ASAP2: variants seen among roughly 807,000 people sequenced by gnomAD.
ASAP2 encodes the protein arf-GAP with SH3 domain, ANK repeat and PH domain-containing protein 2.
ASAP2 carries 45 observed loss-of-function variants against 131.4 expected under a neutral mutation model. That is an observed-to-expected ratio of 0.34 (90% CI 0.27 to 0.44). The LOEUF is 0.44. Among genes scored for constraint, ASAP2 ranks in the 20% least tolerant of loss-of-function variants. The pLI is 1.00. For missense variants in ASAP2, 1,011 were observed against 1,297.0 expected, an observed-to-expected ratio of 0.78 and a Z score of 3.39; for synonymous variants, 510 against 503.0, an observed-to-expected ratio of 1.01 and a Z score of -0.19.
intron 12 of ASAP2, among the ~76,000 whole-genome samples, chr2:9,354,574 C>G (rs1672564572): frequency 6.6e-6 from 1 of 151,122 alleles, no homozygotes; most frequent in Non-Finnish European, 1.5e-5. Context: ...GAGATTGAGG[C>G]TGCAGCGAGC....
chr2:9,308,435 C>A (rs894547805), intron 3 of ASAP2, among the ~76,000 whole-genome samples: 6 of 152,212 alleles, frequency 3.9e-5, no homozygotes, highest in Non-Finnish European at 8.8e-5. Flanking sequence ...AGCTCCAACA[C>A]TGGGGACTGC....
chr2:9,261,392 T>A (rs527265414), intron 1 of ASAP2, among the ~76,000 whole-genome samples: 2 of 152,254 alleles, frequency 1.3e-5, no homozygotes, highest in Non-Finnish European at 1.5e-5. Context: ...ACTCTTTGAG[T>A]CAGTTTCTTC....
chr2:9,340,773 G>C (rs1212938373), intron 9 of ASAP2, among the ~76,000 whole-genome samples: 1 of 152,236 alleles, frequency 6.6e-6, no homozygotes, highest in Non-Finnish European at 1.5e-5. Context: ...GACAGCTCAA[G>C]GATTCTACTG....
rs749192275 is a variant in ASAP2, at chr2:9,380,839, G to A, written c.2016+31G>A. Reference sequence around the variant, plus strand: ...TCTCCCACCACAAGGACGGGGTGGGGCACCTGTCACGGGACAGGGAGCCAA... The same window carrying A: ...TCTCCCACCACAAGGACGGGGTGGGACACCTGTCACGGGACAGGGAGCCAA... On this transcript the variant is annotated intron_variant, in intron 20 of 27. Coordinates refer to ENST00000281419, the MANE Select transcript of ASAP2 (RefSeq NM_003887.3). The A allele has an allele frequency of 8.1e-6, 13 of 1,605,400 alleles. No individual in the cohort carries two copies. In the South Asian group the frequency reaches 1.3e-4, roughly 16 times the overall value.
In ASAP2 at chr2:9,356,202, G is replaced by A; in HGVS notation, c.1184G>A (p.Ser395Asn). The A allele has an allele frequency of 8.7e-6, 14 of 1,613,896 alleles. No homozygotes were observed. Among genetic ancestry groups the A allele is most frequent in the Non-Finnish European group, 1.2e-5 (14 of 1,179,854 alleles). Residue 395 changes from serine (S) to asparagine (N), a missense_variant, in exon 14 of 28, where the codon AGC (serine) becomes AAC (asparagine). Transcript: ENST00000281419. ...CQIWMSVLQN[S>N]KEEALNNAFK... is the part of the protein sequence containing the mutation. ...AGATGGATGTCTGTGCTGCAAAATA[G>A]CAAAGAAGAAGCTTTAAACAATGCA...
In ASAP2 at chr2:9,344,793, A is replaced by AT; in HGVS notation, c.1017dup (p.Gly340TrpfsTer4). ...AAAAATGGTTTTCTGACCATATCCC[A>AT]TGGTACCGTAAGTATTCTCTTTTAA... On this transcript the variant is annotated frameshift_variant, in exon 11 of 28. Transcript: ENST00000281419. LOFTEE classifies it high-confidence loss of function. 1.2e-6 allele frequency: 2 copies of AT among 1,612,990 alleles called. No homozygotes were observed. The highest frequency in any genetic ancestry group is 1.7e-6 in the Non-Finnish European group (2 of 1,179,096).
rs1676645522 is a variant in ASAP2, at chr2:9,401,293, G to A, written c.2843G>A (p.Arg948Gln). The change falls in exon 27 of 28, where the codon CGG becomes CAG. Residue 948 changes from arginine (R) to glutamine (Q), a missense_variant. Transcript: ENST00000281419. The stretch of plus-strand genomic sequence containing the variant: ...ACCCAGACCAAGTTGAAGCCTAAGC[G>A]GGTGAAAGCGCTCTATAACTGTGTG... ...KSQATKLKPKRVKALYNCVAD... is the reference protein window; with the variant it reads ...KSQATKLKPKQVKALYNCVAD... 5 of 1,613,394 alleles carry A rather than the reference G, an allele frequency of 3.1e-6. No homozygotes were observed. Among genetic ancestry groups the A allele is most frequent in the Non-Finnish European group, 3.4e-6 (4 of 1,179,944 alleles).
intron 5 of ASAP2, among the ~76,000 whole-genome samples, chr2:9,322,578 A>C (rs560190533): frequency 1.3e-5 from 2 of 152,296 alleles, no homozygotes; most frequent in African/African-American, 4.8e-5. Flanking sequence ...TGAACTGCAC[A>C]CTCGACATTT....
At chr2:9,304,368 T>C (rs946648956) in intron 3 of ASAP2, among the ~76,000 whole-genome samples, 1 of 151,788 alleles carries the variant, frequency 6.6e-6, no homozygotes, top group Non-Finnish European at 1.5e-5. Context: ...GTAGGTGACC[T>C]CAAACTTAGA....
intron 1 of ASAP2, among the ~76,000 whole-genome samples, chr2:9,222,686 G>A (rs1055378035): frequency 9.2e-5 from 14 of 152,140 alleles, no homozygotes; most frequent in African/African-American, 3.1e-4. Flanking sequence ...TGCCTTGGTC[G>A]CAGCCTGCCA....
intron 26 of ASAP2, 47 bp from the exon 27 acceptor site, chr2:9,401,227 G>T: frequency 6.2e-7 from 1 of 1,608,504 alleles, no homozygotes; most frequent in Middle Eastern, 1.7e-4. Context: ...TGCCCTGAGA[G>T]CTGAGGCCTG....
chr2:9,268,070 A>G lies in ASAP2; in HGVS notation c.127-11247A>G, dbSNP rs1666068434. On this transcript the variant is annotated intron_variant, in intron 1 of 27. Coordinates refer to ENST00000281419, the MANE Select transcript of ASAP2 (RefSeq NM_003887.3). This position sits in a 1 kb window ranked among gnomAD's most constrained non-coding sequence, Gnocchi z 4.1. ...GTTTGCCAACAAGGTGTATATCCCT[A>G]AACATAAACAATTTAGTTTGGCCTG... Among the ~76,000 whole-genome samples, 1 of 152,148 alleles carries G rather than the reference A, an allele frequency of 6.6e-6. No individual in the cohort carries two copies. The highest frequency in any genetic ancestry group is 1.5e-5 in the Non-Finnish European group (1 of 68,022).
At chr2:9,219,947 G>T (rs373518661) in intron 1 of ASAP2, among the ~76,000 whole-genome samples, 1 of 152,108 alleles carries the variant, frequency 6.6e-6, no homozygotes, top group South Asian at 2.1e-4. Context: ...TTCATATATG[G>T]AATCAAACAA....
chr2:9,257,400 A>G (rs937753196), intron 1 of ASAP2, among the ~76,000 whole-genome samples: 50 of 152,358 alleles, frequency 3.3e-4, no homozygotes, highest in African/African-American at 1.1e-3. Flanking sequence ...CAAAATTAAA[A>G]TAGCTTTATT....
At chr2:9,302,169 C>CTTTTTTTT (rs57906310) in intron 3 of ASAP2, among the ~76,000 whole-genome samples, 13 of 82,920 alleles carry the variant, frequency 1.6e-4, no homozygotes, top group African/African-American at 5.9e-4. Context: ...AGTTAGAAGC[C>CTTTTTTTT]TTTTTTTTTT....
At chr2:9,262,418 G>A (rs1395771581) in intron 1 of ASAP2, among the ~76,000 whole-genome samples, 1 of 152,186 alleles carries the variant, frequency 6.6e-6, no homozygotes, top group African/African-American at 2.4e-5. Context: ...AGTGCTGACT[G>A]TATGGCAGAC....
In ASAP2 at chr2:9,393,617, G is replaced by T; in HGVS notation, c.2654G>T (p.Ser885Ile). ...RPPPLPPQPP[S>I]RLPQKKPAPG... The stretch of plus-strand genomic sequence containing the variant: ...CCACCTCTGCCCCCACAGCCGCCCA[G>T]CCGCCTCCCGCAGAAGAAGCCTGCG... Residue 885 changes from serine (S) to isoleucine (I), a missense_variant, in exon 24 of 28, where the codon AGC (serine) becomes ATC (isoleucine). Ser to Ile is a moderately radical substitution (Grantham distance 142). Around this residue, in one of 2 missense-constraint regions of ASAP2, gnomAD observed 652 missense variants for 698.9 expected, o/e 0.93. Coordinates refer to ENST00000281419, the MANE Select transcript of ASAP2 (RefSeq NM_003887.3). 1 of 1,585,672 alleles carries T rather than the reference G, an allele frequency of 6.3e-7. No individual in the cohort carries two copies. The highest frequency in any genetic ancestry group is 1.7e-5 in the Admixed American group (1 of 57,330).
intron 2 of ASAP2, among the ~76,000 whole-genome samples, chr2:9,287,778 C>A (rs1403968973): frequency 3.5e-5 from 5 of 144,272 alleles, no homozygotes; most frequent in Non-Finnish European, 7.9e-5. Context: ...CAGCCTTCTC[C>A]CCGCTGCTGG....
At chr2:9,216,453 ATTT>A (rs999787414) in intron 1 of ASAP2, among the ~76,000 whole-genome samples, 13 of 85,420 alleles carry the variant, frequency 1.5e-4, no homozygotes, top group African/African-American at 5.8e-4. Context: ...TGCCTGTTTA[ATTT>A]TTTTTTTTTT....
Sources: allele counts gnomAD v4.1 joint callset (sites outside exome capture counted in the v4.1 genomes callset), GRCh38; gene constraint gnomAD v4.1.1; regional missense constraint gnomAD v4.1.1; non-coding constraint Gnocchi (gnomAD v3.1); transcripts MANE v1.5; gene names NCBI Gene and HGNC (gene_info 2026-07-23, HGNC 2026-07-21).